Variants in MAPK4 observed in about 807,000 individuals in gnomAD.
MAPK4 encodes mitogen-activated protein kinase 4, also known as Erk3-related.
MAPK4 carries 22 observed loss-of-function variants against 47.7 expected under a neutral mutation model. That is an observed-to-expected ratio of 0.46 (90% CI 0.33 to 0.66). The LOEUF (loss-of-function observed/expected upper bound fraction) is 0.66, where lower values mean the gene tolerates loss of function less well. Among genes scored for constraint, MAPK4 ranks in the 30% least tolerant of loss-of-function variants. The pLI is 0.02. For synonymous variants in MAPK4, 390 were observed against 365.7 expected (o/e 1.07, Z -0.76); for missense variants, 736 against 831.7 (o/e 0.88, Z 1.42).
At chr18:50,647,167 T>C (rs1258843224) in intron 1 of MAPK4, among the ~76,000 whole-genome samples, 1 of 152,262 alleles carries the variant, frequency 6.6e-6, no homozygotes, top group Non-Finnish European at 1.5e-5. Context: ...CAGTGAAAGT[T>C]GCTTTGCAAA....
chr18:50,679,221 G>T (rs1908444256), intron 2 of MAPK4, among the ~76,000 whole-genome samples: 1 of 152,192 alleles, frequency 6.6e-6, no homozygotes, highest in South Asian at 2.1e-4. Flanking sequence ...TGCTGAGCTG[G>T]GTGGAGCCCA....
intron 1 of MAPK4, among the ~76,000 whole-genome samples, chr18:50,659,308 C>T (rs1333338691): frequency 1.3e-5 from 2 of 152,130 alleles, no homozygotes; most frequent in African/African-American, 2.4e-5. Context: ...CTGGAAATAG[C>T]GGCTCCTCGG....
rs780784133 is a variant in MAPK4, at chr18:50,726,121, T to C, written c.1013T>C (p.Val338Ala). 1.2e-6 allele frequency: 2 copies of C among 1,614,168 alleles called. No individual in the cohort carries two copies. The highest frequency in any genetic ancestry group is 4.5e-5 in the East Asian group (2 of 44,882). Reference protein sequence around the residue: ...FRIEDEIDDIVLMAANQSQLS... With the variant: ...FRIEDEIDDIALMAANQSQLS... ...ATTGAGGATGAGATCGACGACATCGTGCTGATGGCCGCTAACCAGAGCCAG... is the reference window on the plus strand; with the variant it reads ...ATTGAGGATGAGATCGACGACATCGCGCTGATGGCCGCTAACCAGAGCCAG... The change falls in exon 5 of 6, where the codon GTG (valine) becomes GCG (alanine). Residue 338 changes from valine (V) to alanine (A), a missense_variant. Around this residue, in one of 3 missense-constraint regions of MAPK4, gnomAD observed 377 missense variants for 378.6 expected, o/e 1.00. Coordinates refer to ENST00000400384, the MANE Select transcript of MAPK4 (RefSeq NM_002747.4).
intron 2 of MAPK4, among the ~76,000 whole-genome samples, chr18:50,696,990 A>G (rs912236241): frequency 6.6e-6 from 1 of 152,168 alleles, no homozygotes; most frequent in Non-Finnish European, 1.5e-5. Flanking sequence ...GGGAAGGTGC[A>G]GAGACTTGGT....
At chr18:50,614,989 G>A (rs6508014) in intron 1 of MAPK4, among the ~76,000 whole-genome samples, 51,425 of 152,054 alleles carry the variant, frequency 0.34, 8,974 homozygotes, top group Non-Finnish European at 0.37. Context: ...CTCTGATGTT[G>A]GCGATGTCAC....
At chr18:50,593,456 T>A (rs1336992351) in intron 1 of MAPK4, among the ~76,000 whole-genome samples, 1 of 152,146 alleles carries the variant, frequency 6.6e-6, no homozygotes, top group African/African-American at 2.4e-5. Context: ...CTTCCCTACT[T>A]CCTAGCTGTA....
chr18:50,687,808 C>T (rs773744673), intron 2 of MAPK4, among the ~76,000 whole-genome samples: 1 of 152,128 alleles, frequency 6.6e-6, no homozygotes, highest in Non-Finnish European at 1.5e-5. Context: ...TCTCGAGGGC[C>T]CTGTGTTGCC....
At chr18:50,685,214 C>T (rs1405476074) in intron 2 of MAPK4, among the ~76,000 whole-genome samples, 1 of 152,246 alleles carries the variant, frequency 6.6e-6, no homozygotes, top group Non-Finnish European at 1.5e-5. Flanking sequence ...TAGAAACTTT[C>T]TTCTAAAGGC....
intron 2 of MAPK4, among the ~76,000 whole-genome samples, chr18:50,675,424 C>T (rs1214585933): frequency 2.6e-5 from 4 of 151,362 alleles, no homozygotes; most frequent in Non-Finnish European, 5.9e-5. Flanking sequence ...TCATGCGATT[C>T]TCCTGCCTCA....
rs1212885065 is a variant in MAPK4, at chr18:50,722,060, A to C, written c.814A>C (p.Arg272=). 1.2e-6 allele frequency: 2 copies of C among 1,613,514 alleles called. No homozygotes were observed. The highest frequency in any genetic ancestry group is 8.5e-7 in the Non-Finnish European group (1 of 1,179,762). ...SFVSSTWEVK[R]PLRKLLPEVN... is the part of the protein sequence containing the mutation. ...TGTCAGCAGCACCTGGGAGGTGAAG[A>C]GGCCTCTGCGCAAGCTGCTCCCTGA... The change falls in exon 4 of 6, where the codon AGG becomes CGG. Residue 272 remains arginine (R), a synonymous_variant. Coordinates refer to ENST00000400384, the MANE Select transcript of MAPK4 (RefSeq NM_002747.4).
At chr18:50,590,915 G>T (rs1373810848) in intron 1 of MAPK4, among the ~76,000 whole-genome samples, 1 of 152,164 alleles carries the variant, frequency 6.6e-6, no homozygotes, top group Non-Finnish European at 1.5e-5. Context: ...TCTCTTCCTT[G>T]ACAAGTCAAT....
intron 1 of MAPK4, among the ~76,000 whole-genome samples, chr18:50,565,534 AG>A (rs1344982590): frequency 2.0e-5 from 3 of 152,362 alleles, no homozygotes; most frequent in African/African-American, 7.2e-5. Context: ...GCATTAAAAC[AG>A]GCCAGGCAGG....
intron 5 of MAPK4, 83 bp from the exon 6 acceptor site, chr18:50,729,075 A>G (rs1911363989): frequency 4.0e-6 from 5 of 1,238,792 alleles, no homozygotes; most frequent in Non-Finnish European, 5.6e-6. Context: ...TGTGAGTGGC[A>G]AACAGGGATT....
chr18:50,717,741 C>T (rs1468152946), intron 3 of MAPK4, among the ~76,000 whole-genome samples: 1 of 152,192 alleles, frequency 6.6e-6, no homozygotes. Context: ...CACGGGGAGC[C>T]GACAATCTCA....
At chr18:50,692,652 C>T (rs35414315) in intron 2 of MAPK4, among the ~76,000 whole-genome samples, 26,193 of 151,998 alleles carry the variant, frequency 0.17, 3,013 homozygotes, top group African/African-American at 0.32. Flanking sequence ...TAAATATGAG[C>T]TGTTTGCAGC....
rs3045776 is a variant in MAPK4, at chr18:50,683,453, G to GGTGTGTGTGTGT, written c.546+18976_546+18987dup. Among the ~76,000 whole-genome samples the GGTGTGTGTGTGT allele has an allele frequency of 5.1e-3, 730 of 142,238 alleles. 7 individuals carry two copies. Among genetic ancestry groups the GGTGTGTGTGTGT allele is most frequent in the East Asian group, 0.013 (64 of 4,892 alleles). 93.3% of individuals were successfully genotyped at this position (142,238 alleles called of 152,430 possible). On this transcript the variant is annotated intron_variant, in intron 2 of 5. Coordinates refer to ENST00000400384, the MANE Select transcript of MAPK4 (RefSeq NM_002747.4). ...TGTTCATTATTTTTATTGGTGATGGGGTGTGTGTGTGTGTGTGTGTGTGTG... is the reference window on the plus strand; with the variant it reads ...TGTTCATTATTTTTATTGGTGATGGGGTGTGTGTGTGTGTGTGTGTGTGTGTGTGTGTGTGTG...
chr18:50,724,652 C>A (rs1053225546), intron 4 of MAPK4, among the ~76,000 whole-genome samples: 2 of 152,210 alleles, frequency 1.3e-5, no homozygotes, highest in East Asian at 3.8e-4. Context: ...ATTTGGGGGT[C>A]TAGGGTTACA....
intron 1 of MAPK4, among the ~76,000 whole-genome samples, chr18:50,607,451 C>T (rs2042591920): frequency 6.6e-6 from 1 of 152,122 alleles, no homozygotes; most frequent in Non-Finnish European, 1.5e-5. Flanking sequence ...TCTCTTGTCC[C>T]CTTTGCTACT....
chr18:50,636,758 T>C (rs1469947), intron 1 of MAPK4, among the ~76,000 whole-genome samples: 148,181 of 152,328 alleles, frequency 0.97, 72,081 homozygotes, highest in East Asian at 1. Context: ...CTTGATTCCT[T>C]CTGGCCCACA....
Sources: gnomAD v4.1 joint callset for allele counts (sites outside exome capture counted in the v4.1 genomes callset) on GRCh38, gnomAD v4.1.1 for gene constraint, gnomAD v4.1.1 regional missense constraint, MANE v1.5 for transcripts, NCBI Gene and HGNC (gene_info 2026-07-23, HGNC 2026-07-21) for gene names.